The following MB21D2 variants were observed in gnomAD, a reference collection of about 807,000 sequenced individuals.
MB21D2 encodes the protein nucleotidyltransferase MB21D2.
Under a neutral mutation model 33.3 loss-of-function variants are expected in MB21D2, and 9 were observed. The observed-to-expected ratio is 0.27, with a 90% confidence interval of 0.16 to 0.47. The LOEUF is 0.47. Ranked by LOEUF, MB21D2 falls within the 20% of genes least tolerant of loss-of-function variation. MB21D2 has a pLI of 0.99. For missense variants in MB21D2, 540 were observed against 624.6 expected (o/e 0.86, Z 1.44); for synonymous variants, 241 against 236.3 (o/e 1.02, Z -0.18).
At chr3:192,855,676 C>G (rs1712900898) in intron 1 of MB21D2, among the ~76,000 whole-genome samples, 4 of 152,232 alleles carry the variant, frequency 2.6e-5, no homozygotes, top group Admixed American at 1.3e-4. Flanking sequence ...TCTGTATACT[C>G]TAGAACCCAT....
chr3:192,848,139 T>C (rs1712713096), intron 1 of MB21D2, among the ~76,000 whole-genome samples: 1 of 152,240 alleles, frequency 6.6e-6, no homozygotes, highest in Non-Finnish European at 1.5e-5. Context: ...ACAGAGAGGT[T>C]ACTTCATGTA....
At chr3:192,881,376 G>C (rs968453950) in intron 1 of MB21D2, among the ~76,000 whole-genome samples, 1 of 152,106 alleles carries the variant, frequency 6.6e-6, no homozygotes, top group Non-Finnish European at 1.5e-5. Context: ...TCTGGGGCAG[G>C]GGAAACTAGA....
rs115534912 is a variant in MB21D2 at position 192,865,951 on chromosome 3, G to A, written c.211+51679C>T. 6.3e-3 allele frequency among the ~76,000 whole-genome samples: 955 copies of A among 152,152 alleles called. 11 individuals carry two copies. Among genetic ancestry groups the A allele is most frequent in the African/African-American group, 0.021 (851 of 41,502 alleles). On this transcript the variant is annotated intron_variant, in intron 1 of 1. Transcript: ENST00000392452. ...TACCAGCCACTCTGGAAGCTGAGGC[G>A]GGAGGATTGCTGGGGCCGGGGAGGT...
At chr3:192,875,094 A>G (rs1314490365) in intron 1 of MB21D2, among the ~76,000 whole-genome samples, 1 of 152,214 alleles carries the variant, frequency 6.6e-6, no homozygotes, top group African/African-American at 2.4e-5. Flanking sequence ...CGACTGATAC[A>G]GTGTTTAACA....
intron 1 of MB21D2, among the ~76,000 whole-genome samples, chr3:192,887,740 A>G (rs1419890189): frequency 6.6e-6 from 1 of 152,144 alleles, no homozygotes; most frequent in African/African-American, 2.4e-5. Flanking sequence ...CTTACGTAAA[A>G]ATAAAAAGCA....
intron 1 of MB21D2, among the ~76,000 whole-genome samples, chr3:192,812,914 G>C (rs1175266027): frequency 1.3e-5 from 2 of 152,044 alleles, no homozygotes; most frequent in Middle Eastern, 6.3e-3. Context: ...TCCTTACTAA[G>C]CCATTCCCAA....
chr3:192,844,582 TC>T (rs1712642589), intron 1 of MB21D2, among the ~76,000 whole-genome samples: 1 of 152,204 alleles, frequency 6.6e-6, no homozygotes, highest in South Asian at 2.1e-4. Context: ...AGCACATGTC[TC>T]CTGATATCTC....
intron 1 of MB21D2, among the ~76,000 whole-genome samples, chr3:192,842,050 A>G (rs1159793687): frequency 6.6e-6 from 1 of 151,892 alleles, no homozygotes; most frequent in Admixed American, 6.5e-5. Flanking sequence ...TGCTTGAGCA[A>G]GGAGATGACT....
intron 1 of MB21D2, among the ~76,000 whole-genome samples, chr3:192,885,834 C>G (rs1280281904): frequency 6.6e-6 from 1 of 152,142 alleles, no homozygotes; most frequent in African/African-American, 2.4e-5. Flanking sequence ...CTCTTTGGAA[C>G]TTCACCTGAG....
intron 1 of MB21D2, among the ~76,000 whole-genome samples, chr3:192,816,237 G>A (rs1378250457): frequency 6.6e-6 from 1 of 151,036 alleles, no homozygotes; most frequent in East Asian, 1.9e-4. Context: ...AAAAAAGATG[G>A]TTCCGACTTG....
intron 1 of MB21D2, among the ~76,000 whole-genome samples, chr3:192,819,117 A>T (rs1711989294): frequency 6.6e-6 from 1 of 152,212 alleles, no homozygotes; most frequent in Non-Finnish European, 1.5e-5. Flanking sequence ...AGAATGCTAG[A>T]TCCCAGGGCT....
chr3:192,901,998 CAATT>C (rs1259724926), intron 1 of MB21D2, among the ~76,000 whole-genome samples: 1 of 152,150 alleles, frequency 6.6e-6, no homozygotes, highest in East Asian at 1.9e-4. Flanking sequence ...TTAAATCAAT[CAATT>C]AGCTGGGACG....
intron 1 of MB21D2, among the ~76,000 whole-genome samples, chr3:192,913,757 A>C (rs1046842000): frequency 6.6e-6 from 1 of 152,166 alleles, no homozygotes; most frequent in Admixed American, 6.5e-5. Context: ...GCTTACGCCT[A>C]GGACTTTGAG....
intron 1 of MB21D2, among the ~76,000 whole-genome samples, chr3:192,852,251 C>T (rs1712824492): frequency 6.6e-6 from 1 of 152,188 alleles, no homozygotes; most frequent in African/African-American, 2.4e-5. Flanking sequence ...AAAATGCAGA[C>T]CTATTTGTAT....
At chr3:192,886,440 G>A (rs1266635372) in intron 1 of MB21D2, among the ~76,000 whole-genome samples, 2 of 152,002 alleles carry the variant, frequency 1.3e-5, no homozygotes, top group Non-Finnish European at 1.5e-5. Flanking sequence ...TTAATACCAC[G>A]AGTACTCATT....
At chr3:192,900,806 C>T (rs1714081295) in intron 1 of MB21D2, among the ~76,000 whole-genome samples, 2 of 151,792 alleles carry the variant, frequency 1.3e-5, no homozygotes, top group Admixed American at 6.6e-5. Context: ...CCAGGTATGG[C>T]GGCGCCCGCC....
At chr3:192,917,016 A>G (rs984248765) in intron 1 of MB21D2, among the ~76,000 whole-genome samples, 3 of 152,238 alleles carry the variant, frequency 2.0e-5, no homozygotes, top group Non-Finnish European at 4.4e-5. Context: ...AGAGAAGTCA[A>G]TTTGCAAATC....
intron 1 of MB21D2, among the ~76,000 whole-genome samples, chr3:192,865,736 A>G (rs1414906941): frequency 2.0e-5 from 3 of 151,804 alleles, no homozygotes; most frequent in African/African-American, 7.3e-5. Context: ...TTCTGTGTTC[A>G]ACATATGATT....
intron 1 of MB21D2, among the ~76,000 whole-genome samples, chr3:192,805,394 A>G (rs1285125136): frequency 6.6e-6 from 1 of 152,228 alleles, no homozygotes; most frequent in East Asian, 1.9e-4. Context: ...AGTACTCACA[A>G]TTAGGATAAT....
Sources: allele counts gnomAD v4.1 joint callset (sites outside exome capture counted in the v4.1 genomes callset), GRCh38; gene constraint gnomAD v4.1.1; transcripts MANE v1.5; gene names NCBI Gene and HGNC (gene_info 2026-07-23, HGNC 2026-07-21).